The following CATSPERE variants were observed in gnomAD, a reference collection of about 807,000 sequenced individuals.
CATSPERE encodes the protein catsper channel auxiliary subunit epsilon.
CATSPERE carries 93 observed loss-of-function variants against 114.1 expected under a neutral mutation model. That is an observed-to-expected ratio of 0.81 (90% CI 0.69 to 0.97). The LOEUF (loss-of-function observed/expected upper bound fraction) is 0.97. Ranked by LOEUF, CATSPERE falls within the 50% of genes least tolerant of loss-of-function variation. CATSPERE has a pLI of 0.00. For synonymous variants in CATSPERE, 341 were observed against 384.1 expected, an observed-to-expected ratio of 0.89 and a Z score of 1.31; for missense variants, 1,058 against 1,131.6, an observed-to-expected ratio of 0.93 and a Z score of 0.93.
At chr1:244,626,594 T>C (rs1362853217) in intron 20 of CATSPERE, among the ~76,000 whole-genome samples, 1 of 151,704 alleles carries the variant, frequency 6.6e-6, no homozygotes, top group Non-Finnish European at 1.5e-5. Flanking sequence ...TCATCAATCA[T>C]CTTAGCTAGA....
At chr1:244,532,572 C>T (rs1276127846) in intron 8 of CATSPERE, among the ~76,000 whole-genome samples, 2 of 152,072 alleles carry the variant, frequency 1.3e-5, no homozygotes, top group Non-Finnish European at 2.9e-5. Flanking sequence ...GTTGTCTGAA[C>T]TGTAATTGCC....
intron 2 of CATSPERE, among the ~76,000 whole-genome samples, chr1:244,465,537 T>TA (rs1298531779): frequency 6.6e-6 from 1 of 152,196 alleles, no homozygotes; most frequent in African/African-American, 2.4e-5. Context: ...GTTCCCCTAT[T>TA]ACCTTTCTCA....
In CATSPERE at chr1:244,538,886, A is replaced by G. The variant is rs140758803; in HGVS notation, c.537-13436A>G. ...TGGAGCATACAGCAACCAGCACGTG[A>G]TATTAGTAATGCCTCTGCATTCTGG... On this transcript the variant is annotated intron_variant, in intron 8 of 21. Transcript: ENST00000366534. Among the ~76,000 whole-genome samples the G allele has an allele frequency of 5.9e-4, 90 of 152,270 alleles. 1 individual carries two copies. The East Asian group carries it at 0.016, about 27-fold the overall frequency.
At chr1:244,480,355 G>A (rs1365469735) in intron 5 of CATSPERE, among the ~76,000 whole-genome samples, 4 of 152,028 alleles carry the variant, frequency 2.6e-5, no homozygotes, top group Non-Finnish European at 4.4e-5. Flanking sequence ...TCATAGTCTC[G>A]GCAACATCCC....
upstream of CATSPERE, among the ~76,000 whole-genome samples, chr1:244,459,381 C>A (rs1042066488): frequency 5.9e-5 from 9 of 152,138 alleles, no homozygotes; most frequent in African/African-American, 2.2e-4. Flanking sequence ...CCAGCCTGGG[C>A]TTGGCTTTTA....
rs371357658 is a variant in CATSPERE at position 244,572,673 on chromosome 1, T to C, written c.1851T>C (p.Thr617=). 2 of 1,614,016 alleles carry C rather than the reference T, an allele frequency of 1.2e-6. No homozygotes were observed. Among genetic ancestry groups the C allele is most frequent in the Non-Finnish European group, 1.7e-6 (2 of 1,179,870 alleles). Residue 617 remains threonine, a synonymous_variant, in exon 11 of 22, where the codon ACT becomes ACC. Coordinates refer to ENST00000366534, the MANE Select transcript of CATSPERE (RefSeq NM_001130957.2). The part of the protein sequence containing the change: ...VWTQIVYPEN[T]GLYVIVESYG... The stretch of plus-strand genomic sequence containing the variant: ...CTCAGATCGTCTATCCAGAAAACAC[T>C]GGTCTGTATGTTATTGTGGAATCTT...
Position 244,600,440 on chromosome 1 carries a change from T to A in CATSPERE, c.2304-5255T>A, listed in dbSNP as rs116452036. ...GTCACAAGGAAGGTTGTAACCTACA[T>A]GAATTTGTAGGCAAAAACATACCTC... On this transcript the variant is annotated intron_variant, in intron 17 of 21. Transcript: ENST00000366534. Among the ~76,000 whole-genome samples, 1,237 of 151,720 alleles carry A rather than the reference T, an allele frequency of 8.2e-3. 21 individuals carry two copies. Among genetic ancestry groups the A allele is most frequent in the African/African-American group, 0.028 (1,165 of 41,378 alleles).
At position 244,552,448 on chromosome 1, in the gene CATSPERE, CA is replaced by C; in HGVS notation, c.664del (p.Ile222TyrfsTer18). 1.9e-6 allele frequency: 3 copies of C among 1,614,110 alleles called. No individual in the cohort carries two copies. The highest frequency in any genetic ancestry group is 2.5e-6 in the Non-Finnish European group (3 of 1,180,002). On this transcript the variant is annotated frameshift_variant, in exon 9 of 22. Transcript: ENST00000366534. LOFTEE classifies it high-confidence loss of function. Reference protein sequence around the residue: ...LILLTFPLLTIPEIPGYLPIS... With the variant: ...LILLTFPLLTXPEIPGYLPIS... ...TTCTGTTGACTTTTCCTTTGTTGAC[CA>C]TACCTGAAATTCCTGGTTATTTACC...
intron 2 of CATSPERE, among the ~76,000 whole-genome samples, chr1:244,475,885 A>G (rs541371986): frequency 1.3e-5 from 2 of 152,182 alleles, no homozygotes; most frequent in Admixed American, 1.3e-4. Context: ...ATTCATAAAC[A>G]TTTTATACTT....
chr1:244,579,214 G>A (rs1572852833), intron 11 of CATSPERE, among the ~76,000 whole-genome samples: 1 of 152,190 alleles, frequency 6.6e-6, no homozygotes, highest in Non-Finnish European at 1.5e-5. Flanking sequence ...GGAGGTGGCT[G>A]TGAAATGATC....
rs757013196 is a variant in CATSPERE at position 244,463,673 on chromosome 1, A to G, written c.66-235A>G. ...AAAAAAAAAAAAAAACCAGGTAAAG[A>G]GTATTAACTTCTCATTTTATTGTCT... is the stretch of plus-strand genomic sequence containing the variant. On this transcript the variant is annotated intron_variant, in intron 1 of 21. Coordinates refer to ENST00000366534, the MANE Select transcript of CATSPERE (RefSeq NM_001130957.2). Among the ~76,000 whole-genome samples the G allele has an allele frequency of 1.0e-4, 15 of 150,058 alleles. No individual in the cohort carries two copies. In the Middle Eastern group the frequency reaches 0.014, roughly 139 times the overall value.
intron 20 of CATSPERE, among the ~76,000 whole-genome samples, chr1:244,618,155 G>C (rs1221481526): frequency 2.0e-5 from 3 of 152,188 alleles, no homozygotes; most frequent in Non-Finnish European, 4.4e-5. Flanking sequence ...ACTTTCTGGA[G>C]AACACAGAAC....
chr1:244,628,390 G>A, intron 20 of CATSPERE, among the ~76,000 whole-genome samples: 1 of 152,156 alleles, frequency 6.6e-6, no homozygotes, highest in South Asian at 2.1e-4. Flanking sequence ...CAGCCCCATT[G>A]TTTATGAGCC....
intron 8 of CATSPERE, among the ~76,000 whole-genome samples, chr1:244,520,325 AGG>A (rs1038348874): frequency 8.4e-6 from 1 of 118,778 alleles, no homozygotes; most frequent in Non-Finnish European, 1.7e-5. Flanking sequence ...ATTTTGTGGT[AGG>A]GGTCCAAATG....
At chr1:244,533,164 A>C (rs1679873744) in intron 8 of CATSPERE, among the ~76,000 whole-genome samples, 1 of 151,956 alleles carries the variant, frequency 6.6e-6, no homozygotes, top group Non-Finnish European at 1.5e-5. Context: ...GTCTGATATA[A>C]GTATAGCTAC....
chr1:244,554,094 C>G (rs2148507024), intron 9 of CATSPERE, among the ~76,000 whole-genome samples: 1 of 152,242 alleles, frequency 6.6e-6, no homozygotes, highest in South Asian at 2.1e-4. Context: ...TATGTTGATT[C>G]CATGTCTTTG....
At chr1:244,456,953 G>GT (rs1162563854), upstream of CATSPERE, among the ~76,000 whole-genome samples, 4 of 152,192 alleles carry the variant, frequency 2.6e-5, no homozygotes, top group African/African-American at 9.7e-5. Flanking sequence ...GTAAAAGATT[G>GT]TAAGAAGGCA....
At chr1:244,492,881 C>T (rs1672460721) in intron 6 of CATSPERE, among the ~76,000 whole-genome samples, 1 of 149,084 alleles carries the variant, frequency 6.7e-6, no homozygotes, top group African/African-American at 2.5e-5. Flanking sequence ...AGGAATCCAA[C>T]TTACAAGGGA....
chr1:244,590,904 G>A (rs899885684), intron 14 of CATSPERE, among the ~76,000 whole-genome samples: 2 of 152,116 alleles, frequency 1.3e-5, no homozygotes, highest in Admixed American at 1.3e-4. Context: ...GAATATTTGT[G>A]TACAAGTGTT....
Sources: gnomAD v4.1 joint callset for allele counts (sites outside exome capture counted in the v4.1 genomes callset) on GRCh38, gnomAD v4.1.1 for gene constraint, MANE v1.5 for transcripts, NCBI Gene and HGNC (gene_info 2026-07-23, HGNC 2026-07-21) for gene names.